The following STARD13 variants were observed in gnomAD, a reference collection of about 807,000 sequenced individuals.
STARD13 encodes stAR-related lipid transfer protein 13.
A neutral mutation model predicts 106.4 loss-of-function variants in STARD13; 62 were observed. That is an observed-to-expected ratio of 0.58 (90% CI 0.48 to 0.72). The LOEUF (loss-of-function observed/expected upper bound fraction) is 0.72. Ranked by LOEUF, STARD13 falls within the 30% of genes least tolerant of loss-of-function variation. The pLI, the probability that STARD13 is intolerant of heterozygous loss-of-function variation, is 0.00. For synonymous variants in STARD13, 565 were observed against 553.0 expected, an observed-to-expected ratio of 1.02 and a Z score of -0.31; for missense variants, 1,387 against 1,424.0, an observed-to-expected ratio of 0.97 and a Z score of 0.42.
chr13:33,259,173 T>A (rs1325463553), intron 1 of STARD13, among the ~76,000 whole-genome samples: 1 of 152,210 alleles, frequency 6.6e-6, no homozygotes, highest in Non-Finnish European at 1.5e-5. Flanking sequence ...CCACATCTTG[T>A]CTTGCCCAGC....
chr13:33,542,483 C>T, the STARD13 span, among the ~76,000 whole-genome samples: 8 of 152,244 alleles, frequency 5.3e-5, no homozygotes, highest in African/African-American at 1.7e-4. Flanking sequence ...GCCTAGCAAA[C>T]GTGCAAACAT....
intron 1 of STARD13, among the ~76,000 whole-genome samples, chr13:33,305,049 T>A (rs914846892): frequency 3.9e-5 from 6 of 152,218 alleles, no homozygotes; most frequent in African/African-American, 1.4e-4. Flanking sequence ...TGAGAGATAT[T>A]AGCCCCAAGC....
chr13:33,468,785 A>G, the STARD13 span, among the ~76,000 whole-genome samples: 1 of 152,210 alleles, frequency 6.6e-6, no homozygotes, highest in Non-Finnish European at 1.5e-5. Flanking sequence ...GGACTAAGAC[A>G]GTAACCTTCT....
the STARD13 span, among the ~76,000 whole-genome samples, chr13:33,593,806 T>C: frequency 4.6e-5 from 7 of 152,226 alleles, no homozygotes; most frequent in African/African-American, 1.7e-4. Flanking sequence ...ATCCCATCTC[T>C]CTAGAGATGG....
chr13:33,645,994 G>T, the STARD13 span, among the ~76,000 whole-genome samples: 1 of 151,870 alleles, frequency 6.6e-6, no homozygotes, highest in Non-Finnish European at 1.5e-5. Context: ...TGAGTAATAA[G>T]GGACACACGG....
At position 33,206,500 on chromosome 13, in the gene STARD13, T is replaced by G. The variant is rs531739031; in HGVS notation, c.170-38878A>C. On this transcript the variant is annotated intron_variant, in intron 1 of 13. Coordinates refer to ENST00000336934, the MANE Select transcript of STARD13 (RefSeq NM_178006.4). ...AGGATATAACAAAATCAGTGCACAT[T>G]TAATTGTGTATCCTTAAAAAACTCA... Among the ~76,000 whole-genome samples the G allele has an allele frequency of 2.6e-5, 4 of 152,178 alleles. No homozygotes were observed. In the South Asian group the frequency reaches 8.3e-4, roughly 32 times the overall value.
chr13:33,445,381 A>G, the STARD13 span, among the ~76,000 whole-genome samples: 1 of 152,160 alleles, frequency 6.6e-6, no homozygotes, highest in Admixed American at 6.5e-5. Flanking sequence ...TTTGAATATT[A>G]CTGGATAATG....
the STARD13 span, among the ~76,000 whole-genome samples, chr13:33,452,227 C>G: frequency 1.3e-5 from 2 of 151,974 alleles, no homozygotes; most frequent in Admixed American, 1.3e-4. Flanking sequence ...TGGATAATGA[C>G]AGTCTGGCCA....
At chr13:33,450,335 G>A in the STARD13 span, among the ~76,000 whole-genome samples, 1 of 152,126 alleles carries the variant, frequency 6.6e-6, no homozygotes, top group African/African-American at 2.4e-5. Context: ...GAGATAGTAT[G>A]ATTTTTGTCC....
the STARD13 span, among the ~76,000 whole-genome samples, chr13:33,560,038 T>C: frequency 4.0e-5 from 6 of 151,644 alleles, no homozygotes; most frequent in East Asian, 1.2e-3. Flanking sequence ...TAGTCTGTGG[T>C]ATTTTGTAGT....
chr13:33,648,503 T>C, the STARD13 span, among the ~76,000 whole-genome samples: 1 of 152,236 alleles, frequency 6.6e-6, no homozygotes, highest in South Asian at 2.1e-4. Flanking sequence ...TCCAGAATAT[T>C]GGAAGGATGA....
intron 4 of STARD13, chr13:33,138,301 G>C (rs1189484986): frequency 6.6e-6 from 1 of 152,028 alleles, no homozygotes; most frequent in African/African-American, 2.4e-5. Flanking sequence ...TGTCATCATG[G>C]AGCAAGCGCG....
chr13:33,184,462 G>T (rs1396433598), intron 1 of STARD13, among the ~76,000 whole-genome samples: 1 of 152,154 alleles, frequency 6.6e-6, no homozygotes, highest in African/African-American at 2.4e-5. Flanking sequence ...GTAAAGGTGG[G>T]AACAGATAAG....
the STARD13 span, among the ~76,000 whole-genome samples, chr13:33,613,536 A>T: frequency 6.6e-5 from 10 of 152,238 alleles, no homozygotes; most frequent in Non-Finnish European, 1.0e-4. Flanking sequence ...GGAAGGGCGA[A>T]TGGCAGCAGG....
the STARD13 span, among the ~76,000 whole-genome samples, chr13:33,428,104 T>C: frequency 6.6e-6 from 1 of 152,190 alleles, no homozygotes. Context: ...TGAATGGTTC[T>C]GGGAAAACTG....
chr13:33,165,091 C>G (rs1322433526), intron 3 of STARD13, among the ~76,000 whole-genome samples: 7 of 152,148 alleles, frequency 4.6e-5, no homozygotes. Flanking sequence ...CTCTCACTCT[C>G]TCTCTCTTCT....
chr13:33,563,020 G>A, the STARD13 span, among the ~76,000 whole-genome samples: 1 of 146,316 alleles, frequency 6.8e-6, no homozygotes, highest in Non-Finnish European at 1.5e-5. Context: ...AAGTTACCTA[G>A]GAATCAATTG....
chr13:33,487,538 G>C, the STARD13 span, among the ~76,000 whole-genome samples: 5 of 152,172 alleles, frequency 3.3e-5, no homozygotes, highest in Non-Finnish European at 5.9e-5. Context: ...AAGGAGGAGA[G>C]ACATTCCCAA....
At chr13:33,550,908 T>C in the STARD13 span, among the ~76,000 whole-genome samples, 1 of 152,244 alleles carries the variant, frequency 6.6e-6, no homozygotes, top group South Asian at 2.1e-4. Flanking sequence ...TCCAACACTA[T>C]ACTCTTCTAT....
Sources: allele counts gnomAD v4.1 joint callset (sites outside exome capture counted in the v4.1 genomes callset), GRCh38; gene constraint gnomAD v4.1.1; transcripts MANE v1.5; gene names NCBI Gene and HGNC (gene_info 2026-07-23, HGNC 2026-07-21).